The following GPC5 variants were observed in gnomAD, a reference collection of about 807,000 sequenced individuals.
GPC5 encodes glypican 5, also known as glypican-5.
In GPC5, 47 loss-of-function variants were observed where a neutral mutation model predicts 53.9. The ratio of observed to expected loss-of-function variants is 0.87; its 90% CI spans 0.69 to 1.11. The LOEUF (loss-of-function observed/expected upper bound fraction) is 1.11, where lower values mean the gene tolerates loss of function less well. GPC5 is among the 50% of genes most tolerant of loss of function. The pLI is 0.00. For synonymous variants in GPC5, 286 were observed against 263.3 expected, an observed-to-expected ratio of 1.09 and a Z score of -0.84; for missense variants, 748 against 713.1, an observed-to-expected ratio of 1.05 and a Z score of -0.56.
chr13:91,955,337 C>T (rs775951600), intron 6 of GPC5, among the ~76,000 whole-genome samples: 5 of 152,032 alleles, frequency 3.3e-5, no homozygotes, highest in Non-Finnish European at 7.4e-5. Flanking sequence ...TATTATAAAG[C>T]GGTATTAAAT....
intron 7 of GPC5, among the ~76,000 whole-genome samples, chr13:92,366,704 T>C (rs950084170): frequency 7.2e-5 from 11 of 152,214 alleles, no homozygotes; most frequent in African/African-American, 2.2e-4. Context: ...GAGAAAAAGA[T>C]AGAGGATCAC....
chr13:92,741,868 GA>G (rs1303812565), intron 7 of GPC5, among the ~76,000 whole-genome samples: 2 of 152,108 alleles, frequency 1.3e-5, no homozygotes, highest in Non-Finnish European at 2.9e-5. Flanking sequence ...AGTTTGCTGA[GA>G]ATGATGGTTT....
At chr13:92,813,034 G>T (rs1877349047) in intron 7 of GPC5, among the ~76,000 whole-genome samples, 1 of 151,822 alleles carries the variant, frequency 6.6e-6, no homozygotes, top group East Asian at 1.9e-4. Flanking sequence ...AAATGATAAA[G>T]TTAAAAGACT....
At chr13:92,332,341 G>GT (rs2043293645) in intron 7 of GPC5, among the ~76,000 whole-genome samples, 1 of 152,198 alleles carries the variant, frequency 6.6e-6, no homozygotes, top group South Asian at 2.1e-4. Flanking sequence ...TCTGTTCTCT[G>GT]TTTTTTACCT....
intron 7 of GPC5, among the ~76,000 whole-genome samples, chr13:92,858,365 C>T (rs756135160): frequency 4.6e-5 from 7 of 152,130 alleles, no homozygotes; most frequent in Non-Finnish European, 7.3e-5. Context: ...GGTGAGGCCT[C>T]CCCAGCTATG....
rs1015764799 is a variant in GPC5 at position 91,405,879 on chromosome 13, C to T, written c.163+6670C>T. On this transcript the variant is annotated intron_variant, in intron 1 of 7. Transcript: ENST00000377067. ...TTGACCTCCCTAGGTTCAGGTAGTTCTCCCACCTCAGCCTTCTGAGTAGCT... is the reference window on the plus strand; with the variant it reads ...TTGACCTCCCTAGGTTCAGGTAGTTTTCCCACCTCAGCCTTCTGAGTAGCT... Among the ~76,000 whole-genome samples, 3 of 152,178 alleles carry T rather than the reference C, an allele frequency of 2.0e-5. No homozygotes were observed. In the East Asian group the frequency reaches 5.8e-4, roughly 29 times the overall value.
At chr13:92,812,522 AAT>A (rs1877331646) in intron 7 of GPC5, among the ~76,000 whole-genome samples, 1 of 151,890 alleles carries the variant, frequency 6.6e-6, no homozygotes, top group South Asian at 2.1e-4. Flanking sequence ...AAAAAGTAGA[AAT>A]AGGAATTTCT....
intron 7 of GPC5, among the ~76,000 whole-genome samples, chr13:92,313,334 G>T (rs369449234): frequency 1.3e-5 from 2 of 152,122 alleles, no homozygotes; most frequent in Admixed American, 6.5e-5. Context: ...ATGCTGAGAA[G>T]AGTAATAGAC....
At chr13:91,965,612 G>A (rs1007205824) in intron 6 of GPC5, among the ~76,000 whole-genome samples, 2 of 152,112 alleles carry the variant, frequency 1.3e-5, no homozygotes, top group Non-Finnish European at 2.9e-5. Flanking sequence ...AAATGAATGA[G>A]AGGGTATTAA....
At chr13:92,735,030 G>A (rs920063743) in intron 7 of GPC5, among the ~76,000 whole-genome samples, 1 of 151,792 alleles carries the variant, frequency 6.6e-6, no homozygotes. Context: ...CTAAGTTTCT[G>A]TGCTTTGGAA....
At chr13:92,254,409 T>C (rs1481300904) in intron 7 of GPC5, among the ~76,000 whole-genome samples, 1 of 152,148 alleles carries the variant, frequency 6.6e-6, no homozygotes, top group Non-Finnish European at 1.5e-5. Context: ...TAGATTCACA[T>C]TAAAGCAGTT....
At chr13:92,420,277 A>G (rs1876499116) in intron 7 of GPC5, among the ~76,000 whole-genome samples, 1 of 152,194 alleles carries the variant, frequency 6.6e-6, no homozygotes, top group African/African-American at 2.4e-5. Context: ...GCCTAAACAT[A>G]GGTAAGATTA....
At chr13:91,969,038 G>A (rs766191923) in intron 6 of GPC5, among the ~76,000 whole-genome samples, 3 of 151,094 alleles carry the variant, frequency 2.0e-5, no homozygotes, top group Admixed American at 6.6e-5. Flanking sequence ...GTGTGATCTC[G>A]ACTAACTGCA....
intron 6 of GPC5, among the ~76,000 whole-genome samples, chr13:92,019,145 T>G (rs2040734572): frequency 6.6e-6 from 1 of 152,026 alleles, no homozygotes; most frequent in Admixed American, 6.5e-5. Context: ...TGTTGTTATT[T>G]ATTATTGCCT....
chr13:92,389,889 A>G (rs1248079037), intron 7 of GPC5, among the ~76,000 whole-genome samples: 1 of 152,228 alleles, frequency 6.6e-6, no homozygotes, highest in Non-Finnish European at 1.5e-5. Context: ...TCTAAAAAGT[A>G]TGAACTACAA....
At chr13:91,834,286 G>A (rs1467347417) in intron 5 of GPC5, among the ~76,000 whole-genome samples, 1 of 152,156 alleles carries the variant, frequency 6.6e-6, no homozygotes, top group Non-Finnish European at 1.5e-5. Flanking sequence ...CTCATGGATA[G>A]AAAGAATTTA....
chr13:91,921,778 TAAAA>T lies in GPC5; in HGVS notation c.1401+13730_1401+13733del, dbSNP rs765456378. 9.3e-4 allele frequency among the ~76,000 whole-genome samples: 102 copies of T among 109,866 alleles called. No individual in the cohort carries two copies. The East Asian group carries it at 0.013, about 14-fold the overall frequency. The allele number at this position is 109,866 out of a possible 152,430, so 72.1% of individuals were successfully genotyped here. On this transcript the variant is annotated intron_variant, in intron 6 of 7. Transcript: ENST00000377067. The stretch of plus-strand genomic sequence containing the variant: ...CTGGGCAACATAGCAAGACTGCCTT[TAAAA>T]AAAAAAAAGAAAGAAAGAAAGAAAG...
chr13:92,467,308 AAAGT>A (rs1381481196), intron 7 of GPC5, among the ~76,000 whole-genome samples: 4 of 152,178 alleles, frequency 2.6e-5, no homozygotes, highest in African/African-American at 7.2e-5. Context: ...CCGTCTTAAG[AAAGT>A]AAGTAAGCAC....
intron 5 of GPC5, among the ~76,000 whole-genome samples, chr13:91,860,777 C>T (rs578034018): frequency 1.3e-5 from 2 of 152,248 alleles, no homozygotes; most frequent in African/African-American, 4.8e-5. Context: ...GCTGGGATTA[C>T]AGGCATGAGC....
Sources: allele counts gnomAD v4.1 joint callset (sites outside exome capture counted in the v4.1 genomes callset), GRCh38; gene constraint gnomAD v4.1.1; transcripts MANE v1.5; gene names NCBI Gene and HGNC (gene_info 2026-07-23, HGNC 2026-07-21).